Variants in GTF3C5 observed in about 807,000 individuals in gnomAD.
GTF3C5 encodes general transcription factor IIIC subunit 5.
GTF3C5 carries 47 observed loss-of-function variants against 61.0 expected under a neutral mutation model. The ratio of observed to expected loss-of-function variants is 0.77; its 90% CI spans 0.61 to 0.98. GTF3C5 has a LOEUF of 0.98. GTF3C5 is among the 50% of genes least tolerant of loss of function. GTF3C5 has a pLI of 0.00. For synonymous variants in GTF3C5, 295 were observed against 275.4 expected (o/e 1.07, Z -0.71); for missense variants, 659 against 703.3 (o/e 0.94, Z 0.71).
intron 3 of GTF3C5, 40 bp from the exon 4 acceptor site, chr9:133,050,743 C>T (rs753254804): frequency 6.7e-7 from 1 of 1,495,246 alleles, no homozygotes; most frequent in South Asian, 1.2e-5. Context: ...CCTGGGATGG[C>T]CTTGGTGCTC....
chr9:133,055,013 T>A, intron 8 of GTF3C5: 1 of 1,551,698 alleles, frequency 6.4e-7, no homozygotes. Context: ...TGGGGACATC[T>A]GGCGAAGAGG....
chr9:133,032,793 C>G (rs1483754248), intron 1 of GTF3C5, among the ~76,000 whole-genome samples: 1 of 152,192 alleles, frequency 6.6e-6, no homozygotes, highest in Non-Finnish European at 1.5e-5. Context: ...GTCCTTTCCA[C>G]CTGCCGAACA....
At chr9:133,052,531 A>T (rs1850416788) in intron 5 of GTF3C5, among the ~76,000 whole-genome samples, 2 of 152,108 alleles carry the variant, frequency 1.3e-5, no homozygotes, top group East Asian at 1.9e-4. Flanking sequence ...GCCCCTGACC[A>T]CAGCGGCCCC....
intron 3 of GTF3C5, among the ~76,000 whole-genome samples, chr9:133,049,831 G>A (rs1850317387): frequency 6.6e-6 from 1 of 152,092 alleles, no homozygotes; most frequent in African/African-American, 2.4e-5. Context: ...AAGGCGCAGC[G>A]ATTTCTCCTA....
chr9:133,053,799 C>G, intron 5 of GTF3C5, 29 bp from the exon 6 acceptor site: 1 of 1,466,590 alleles, frequency 6.8e-7, no homozygotes. Flanking sequence ...TTCACCTCAC[C>G]TCACATTTTC....
At chr9:133,041,502 G>A (rs569636835) in intron 1 of GTF3C5, among the ~76,000 whole-genome samples, 1 of 152,212 alleles carries the variant, frequency 6.6e-6, no homozygotes, top group African/African-American at 2.4e-5. Context: ...GGCAGGTAAG[G>A]GCCCCCTGTC....
intron 1 of GTF3C5, among the ~76,000 whole-genome samples, chr9:133,039,328 C>G (rs989315728): frequency 2.0e-5 from 3 of 152,220 alleles, no homozygotes; most frequent in Non-Finnish European, 4.4e-5. Context: ...TTTACTGTCT[C>G]TCGTCCTCTT....
intron 1 of GTF3C5, 129 bp from the exon 2 acceptor site, chr9:133,041,958 C>A (rs988166370): frequency 1.6e-6 from 1 of 644,624 alleles, no homozygotes; most frequent in Non-Finnish European, 2.8e-6. Context: ...GAATTAAGGG[C>A]CCAGAATGAA....
intron 3 of GTF3C5, among the ~76,000 whole-genome samples, chr9:133,046,711 G>A (rs1850218276): frequency 6.6e-6 from 1 of 152,178 alleles, no homozygotes; most frequent in South Asian, 2.1e-4. Flanking sequence ...AGGAGATCAT[G>A]GGGAGTGGGC....
rs766624058 is a variant in GTF3C5, at chr9:133,054,475, C to T, written c.1056C>T (p.Thr352=). 7.4e-6 allele frequency: 12 copies of T among 1,613,956 alleles called. No individual in the cohort carries two copies. Among genetic ancestry groups the T allele is most frequent in the East Asian group, 4.5e-5 (2 of 44,900 alleles). The change falls in exon 7 of 11, where the codon ACC becomes ACT. Residue 352 remains threonine, a synonymous_variant. Coordinates refer to ENST00000372097, the MANE Select transcript of GTF3C5 (RefSeq NM_012087.4). ...RSTYNYSLPI[T]VKKTSSQLVT... ...CCTACAACTACAGCCTCCCCATCACCGTCAAGAAGACATGTAAGCGTGCCA... is the reference window on the plus strand; with the variant it reads ...CCTACAACTACAGCCTCCCCATCACTGTCAAGAAGACATGTAAGCGTGCCA...
intron 8 of GTF3C5, chr9:133,055,307 G>A (rs1300996208): frequency 2.2e-6 from 3 of 1,389,922 alleles, no homozygotes; most frequent in Non-Finnish European, 2.8e-6. Context: ...AGCCCTGGGG[G>A]AGGCCGAGAA....
Position 133,052,121 on chromosome 9 carries a change from C to G in GTF3C5, c.830C>G (p.Pro277Arg). 6.2e-7 allele frequency: 1 copy of G among 1,608,874 alleles called. No individual in the cohort carries two copies. The highest frequency in any genetic ancestry group is 8.5e-7 in the Non-Finnish European group (1 of 1,176,788). The stretch of plus-strand genomic sequence containing the variant: ...GTCAAGGCCAACATCAGCGTCCACC[C>G]AGACAAGCTCAAGGTCTTGCTTCCC... Reference protein sequence around the residue: ...NAVKANISVHPDKLKVLLPFI... With the variant: ...NAVKANISVHRDKLKVLLPFI... Residue 277 changes from proline to arginine, a missense_variant, in exon 5 of 11, where the codon CCA becomes CGA. Coordinates refer to ENST00000372097, the MANE Select transcript of GTF3C5 (RefSeq NM_012087.4).
At chr9:133,055,850 T>A in intron 8 of GTF3C5, 162 bp from the exon 9 acceptor site, 2 of 1,421,208 alleles carry the variant, frequency 1.4e-6, no homozygotes, top group Non-Finnish European at 1.8e-6. Flanking sequence ...CATTGTTTTT[T>A]CCCCAACTCC....
intron 1 of GTF3C5, among the ~76,000 whole-genome samples, chr9:133,040,685 A>AAGGGTCTC (rs1448905591): frequency 2.0e-5 from 3 of 152,154 alleles, no homozygotes; most frequent in Non-Finnish European, 4.4e-5. Context: ...TATGAGACTA[A>AAGGGTCTC]ATACCAAGAC....
At chr9:133,046,234 G>A (rs1850199985) in intron 3 of GTF3C5, among the ~76,000 whole-genome samples, 1 of 152,194 alleles carries the variant, frequency 6.6e-6, no homozygotes, top group South Asian at 2.1e-4. Flanking sequence ...GGGAGGCTGA[G>A]GTGGAAAGAT....
upstream of GTF3C5, chr9:133,030,889 G>A (rs773311831): frequency 7.0e-6 from 8 of 1,141,554 alleles, no homozygotes; most frequent in Admixed American, 1.6e-4. Context: ...GCTGAGCCCG[G>A]GGAGTTAGGA....
chr9:133,052,861 C>A (rs1442735806), intron 5 of GTF3C5, among the ~76,000 whole-genome samples: 1 of 151,926 alleles, frequency 6.6e-6, no homozygotes, highest in South Asian at 2.1e-4. Context: ...GAGATGGAGT[C>A]TCACTCTGTC....
In GTF3C5 at chr9:133,056,077, C is replaced by T. The variant is rs765840965; in HGVS notation, c.1233C>T (p.Cys411=). The T allele has an allele frequency of 6.8e-6, 11 of 1,613,920 alleles. No individual in the cohort carries two copies. The highest frequency in any genetic ancestry group is 1.7e-4 in the Middle Eastern group (1 of 6,060). ...PPYRQMFYQL[C]DLNVEELQKI... is the part of the protein sequence containing the mutation. Reference sequence around the variant, plus strand: ...ATCGGCAGATGTTCTACCAGTTATGCGACTTGAATGTGGAAGAGTACGTAT... The same window carrying T: ...ATCGGCAGATGTTCTACCAGTTATGTGACTTGAATGTGGAAGAGTACGTAT... The change falls in exon 9 of 11, where the codon TGC becomes TGT. Residue 411 remains cysteine (C), a synonymous_variant. Coordinates refer to ENST00000372097, the MANE Select transcript of GTF3C5 (RefSeq NM_012087.4).
rs561171965 is a variant in GTF3C5 at position 133,052,620 on chromosome 9, T to C, written c.873+456T>C. 2.6e-4 allele frequency among the ~76,000 whole-genome samples: 39 copies of C among 152,024 alleles called. No homozygotes were observed. The South Asian group carries it at 8.1e-3, about 32-fold the overall frequency. On this transcript the variant is annotated intron_variant, in intron 5 of 10. Coordinates refer to ENST00000372097, the MANE Select transcript of GTF3C5 (RefSeq NM_012087.4). ...TGATCCACAAGCATGTAAAGACACA[T>C]GTCATTACTGAGGTTCCAAAGGTGC...
Sources: allele counts gnomAD v4.1 joint callset (sites outside exome capture counted in the v4.1 genomes callset), GRCh38; gene constraint gnomAD v4.1.1; transcripts MANE v1.5; gene names NCBI Gene and HGNC (gene_info 2026-07-23, HGNC 2026-07-21).